MCC: variants seen among roughly 807,000 people sequenced by gnomAD.
The protein encoded by MCC is colorectal mutant cancer protein.
A neutral mutation model predicts 116.2 loss-of-function variants in MCC; 90 were observed. That is an observed-to-expected ratio of 0.77 (90% CI 0.65 to 0.92). The LOEUF is 0.92. Ranked by LOEUF, MCC falls within the 40% of genes least tolerant of loss-of-function variation. MCC has a pLI of 0.00. For missense variants in MCC, 1,516 were observed against 1,312.2 expected (o/e 1.16, Z -2.40); for synonymous variants, 578 against 510.5 (o/e 1.13, Z -1.78).
At chr5:113,306,052 A>C (rs1469040503) in intron 3 of MCC, among the ~76,000 whole-genome samples, 1 of 152,150 alleles carries the variant, frequency 6.6e-6, no homozygotes, top group East Asian at 1.9e-4. Flanking sequence ...GCCTGTTTTC[A>C]AGTTTTATCC....
intron 3 of MCC, among the ~76,000 whole-genome samples, chr5:113,274,654 C>A (rs1464544697): frequency 1.3e-5 from 2 of 152,156 alleles, no homozygotes; most frequent in African/African-American, 4.8e-5. Flanking sequence ...AGCCACCACC[C>A]CCATCCTAAA....
At chr5:113,065,047 G>A (rs1753496643) in intron 13 of MCC, among the ~76,000 whole-genome samples, 1 of 152,132 alleles carries the variant, frequency 6.6e-6, no homozygotes, top group South Asian at 2.1e-4. Context: ...GGGGTTGGGG[G>A]AGGAATGAAT....
intron 3 of MCC, among the ~76,000 whole-genome samples, chr5:113,242,543 T>C (rs960165660): frequency 6.6e-6 from 1 of 152,180 alleles, no homozygotes; most frequent in African/African-American, 2.4e-5. Flanking sequence ...TATTAGTTTT[T>C]TTTTTAATCC....
chr5:113,482,005 A>G (rs750713995), intron 1 of MCC, among the ~76,000 whole-genome samples: 76 of 152,208 alleles, frequency 5.0e-4, no homozygotes, highest in Admixed American at 1.1e-3. Context: ...CATAAATGAA[A>G]TAATATAATA....
chr5:113,078,773 A>G (rs1456929747), intron 11 of MCC, among the ~76,000 whole-genome samples: 2 of 151,948 alleles, frequency 1.3e-5, no homozygotes, highest in East Asian at 1.9e-4. Context: ...CTCTCTCACC[A>G]CTCCTATTCA....
chr5:113,194,689 A>G (rs1196033647), intron 3 of MCC, among the ~76,000 whole-genome samples: 3 of 152,068 alleles, frequency 2.0e-5, no homozygotes, highest in Admixed American at 6.6e-5. Context: ...GAAGAAAAAG[A>G]AGAAAGGGGA....
intron 2 of MCC, among the ~76,000 whole-genome samples, chr5:113,359,678 T>C (rs1031682140): frequency 6.6e-6 from 1 of 152,224 alleles, no homozygotes; most frequent in Non-Finnish European, 1.5e-5. Context: ...GTCTAAACTA[T>C]GTATATTGAA....
intron 3 of MCC, among the ~76,000 whole-genome samples, chr5:113,330,952 G>A (rs1183207868): frequency 6.6e-6 from 1 of 152,148 alleles, no homozygotes; most frequent in Non-Finnish European, 1.5e-5. Context: ...TCCTACACAT[G>A]GACCTGAACA....
chr5:113,374,862 C>T (rs1428227236), intron 2 of MCC, among the ~76,000 whole-genome samples: 1 of 151,804 alleles, frequency 6.6e-6, no homozygotes, highest in African/African-American at 2.4e-5. Flanking sequence ...CATGGTGGTG[C>T]ACGCCTGTGG....
At position 113,157,813 on chromosome 5, in the gene MCC, A is replaced by T. The variant is rs142550791; in HGVS notation, c.628-6391T>A. Among the ~76,000 whole-genome samples the T allele has an allele frequency of 1.6e-3, 242 of 152,360 alleles. 1 individual carries two copies. Among genetic ancestry groups the T allele is most frequent in the Non-Finnish European group, 2.4e-3 (162 of 68,036 alleles). On this transcript the variant is annotated intron_variant, in intron 3 of 18. Coordinates refer to ENST00000408903, the MANE Select transcript of MCC (RefSeq NM_001085377.2). ...CTATATACACTGTTTTTTCCTATACATACAAAGCTATGATAAAGTTTAATT... is the reference window on the plus strand; with the variant it reads ...CTATATACACTGTTTTTTCCTATACTTACAAAGCTATGATAAAGTTTAATT...
Position 113,210,843 on chromosome 5 carries a change from C to G in MCC, c.628-59421G>C, listed in dbSNP as rs191273577. Among the ~76,000 whole-genome samples the G allele has an allele frequency of 1.9e-3, 296 of 152,266 alleles. 1 individual carries two copies. The highest frequency in any genetic ancestry group is 6.7e-3 in the African/African-American group (280 of 41,546). ...AAGATCGACCCTAACCCTACCTTAC[C>G]CTACTTACGTACTCCAAAGATGTTC... On this transcript the variant is annotated intron_variant, in intron 3 of 18. Transcript: ENST00000408903.
At chr5:113,392,774 G>A (rs17135602) in intron 1 of MCC, among the ~76,000 whole-genome samples, 2,110 of 152,122 alleles carry the variant, frequency 0.014, 60 homozygotes, top group African/African-American at 0.048. Context: ...CACTCCATGA[G>A]GTTGGTACCA....
At chr5:113,234,168 A>G (rs944238244) in intron 3 of MCC, among the ~76,000 whole-genome samples, 3 of 152,188 alleles carry the variant, frequency 2.0e-5, no homozygotes, top group African/African-American at 7.2e-5. Flanking sequence ...GAAATGGCCT[A>G]ATCATTACTT....
chr5:113,110,935 G>T (rs1254864907), intron 6 of MCC, among the ~76,000 whole-genome samples: 1 of 152,188 alleles, frequency 6.6e-6, no homozygotes, highest in Non-Finnish European at 1.5e-5. Flanking sequence ...TGTGCAGAGG[G>T]GCCAGCCGCA....
intron 8 of MCC, among the ~76,000 whole-genome samples, chr5:113,094,380 A>T (rs1755871308): frequency 6.6e-6 from 1 of 151,126 alleles, no homozygotes; most frequent in South Asian, 2.1e-4. Flanking sequence ...GATGTGTTAT[A>T]AAAATGGTTG....
At chr5:113,470,850 C>T (rs1772068562) in intron 1 of MCC, among the ~76,000 whole-genome samples, 1 of 151,880 alleles carries the variant, frequency 6.6e-6, no homozygotes, top group East Asian at 1.9e-4. Context: ...TTCACATAGT[C>T]CCATATTTCT....
At chr5:113,236,038 TG>T (rs1489659553) in intron 3 of MCC, among the ~76,000 whole-genome samples, 1 of 152,216 alleles carries the variant, frequency 6.6e-6, no homozygotes, top group Non-Finnish European at 1.5e-5. Context: ...GATTTCCTCA[TG>T]TTCAGGTTGG....
chr5:113,352,658 C>G (rs1314143481), intron 2 of MCC, among the ~76,000 whole-genome samples: 1 of 147,684 alleles, frequency 6.8e-6, no homozygotes, highest in Non-Finnish European at 1.5e-5. Context: ...CCCCCTGCAT[C>G]AGCACGGGGG....
At chr5:113,381,214 A>G (rs1282619954) in intron 2 of MCC, among the ~76,000 whole-genome samples, 1 of 152,212 alleles carries the variant, frequency 6.6e-6, no homozygotes, top group East Asian at 1.9e-4. Flanking sequence ...AGACAGTGGG[A>G]CTTGCCAGCT....
Sources: gnomAD v4.1 joint callset for allele counts (sites outside exome capture counted in the v4.1 genomes callset) on GRCh38, gnomAD v4.1.1 for gene constraint, MANE v1.5 for transcripts, NCBI Gene and HGNC (gene_info 2026-07-23, HGNC 2026-07-21) for gene names.